The following SPECC1 variants were observed in gnomAD, a reference collection of about 807,000 sequenced individuals.
SPECC1 encodes the protein sperm antigen with calponin homology and coiled-coil domains 1, also known as cytospin-B.
SPECC1 carries 62 observed loss-of-function variants against 104.1 expected under a neutral mutation model. The ratio of observed to expected loss-of-function variants is 0.60; its 90% CI spans 0.49 to 0.74. The LOEUF is 0.74. SPECC1 is among the 30% of genes least tolerant of loss of function. SPECC1 has a pLI of 0.00. For synonymous variants in SPECC1, 513 were observed against 501.6 expected (o/e 1.02, Z -0.30); for missense variants, 1,306 against 1,310.5 (o/e 1.00, Z 0.05).
intron 3 of SPECC1, among the ~76,000 whole-genome samples, chr17:20,151,865 A>G (rs2032035514): frequency 6.6e-6 from 1 of 151,914 alleles, no homozygotes; most frequent in South Asian, 2.1e-4. Context: ...CCTGACCAAC[A>G]TGGTGAAACC....
intron 1 of SPECC1, among the ~76,000 whole-genome samples, chr17:20,051,100 C>CTT (rs771897572): frequency 7.5e-5 from 9 of 120,746 alleles, no homozygotes; most frequent in African/African-American, 3.1e-4. Flanking sequence ...TTCTTTCTTT[C>CTT]TTTCTTTCTT....
chr17:20,258,874 G>T (rs998445756), intron 11 of SPECC1, among the ~76,000 whole-genome samples: 1 of 152,168 alleles, frequency 6.6e-6, no homozygotes, highest in African/African-American at 2.4e-5. Flanking sequence ...CTGCTTTGTA[G>T]TGTGGAACAC....
At chr17:20,059,171 TG>T (rs924093446) in intron 1 of SPECC1, among the ~76,000 whole-genome samples, 1 of 151,906 alleles carries the variant, frequency 6.6e-6, no homozygotes, top group African/African-American at 2.4e-5. Context: ...ATTATTACAT[TG>T]TAATATAGAA....
intron 13 of SPECC1, 84 bp from the exon 14 acceptor site, chr17:20,305,939 T>G (rs1401432420): frequency 8.7e-7 from 1 of 1,155,648 alleles, no homozygotes; most frequent in Non-Finnish European, 1.3e-6. Flanking sequence ...ATAATCTATA[T>G]GGGAATATCA....
intron 1 of SPECC1, among the ~76,000 whole-genome samples, chr17:20,024,831 G>A (rs2044537761): frequency 6.6e-6 from 1 of 152,106 alleles, no homozygotes; most frequent in South Asian, 2.1e-4. Context: ...TCCCACTGTT[G>A]CTAATCTCTG....
At chr17:20,148,613 AG>A (rs2031693388) in intron 3 of SPECC1, among the ~76,000 whole-genome samples, 1 of 151,526 alleles carries the variant, frequency 6.6e-6, no homozygotes, top group African/African-American at 2.4e-5. Flanking sequence ...CTACTCAGAG[AG>A]GGCCACTCTC....
At chr17:20,082,029 G>A (rs907963307) in intron 1 of SPECC1, among the ~76,000 whole-genome samples, 2 of 152,158 alleles carry the variant, frequency 1.3e-5, no homozygotes, top group African/African-American at 2.4e-5. Flanking sequence ...CACCCTCAAA[G>A]CCTCAGCTCT....
chr17:20,039,142 G>A (rs1379361244), intron 1 of SPECC1, among the ~76,000 whole-genome samples: 1 of 152,110 alleles, frequency 6.6e-6, no homozygotes, highest in Non-Finnish European at 1.5e-5. Context: ...CAAGCCTTCG[G>A]CAATCACTAG....
chr17:20,032,065 C>T (rs1360850861), intron 1 of SPECC1, among the ~76,000 whole-genome samples: 2 of 152,058 alleles, frequency 1.3e-5, no homozygotes, highest in African/African-American at 2.4e-5. Flanking sequence ...TTTCTTTGAG[C>T]ACTTCAAATA....
chr17:20,290,836 GC>G (rs2041140302), intron 12 of SPECC1, among the ~76,000 whole-genome samples: 2 of 152,202 alleles, frequency 1.3e-5, no homozygotes, highest in Non-Finnish European at 2.9e-5. Context: ...CAATGAACTA[GC>G]ATATGGGCGC....
intron 3 of SPECC1, among the ~76,000 whole-genome samples, chr17:20,116,136 G>A (rs975100967): frequency 6.0e-5 from 9 of 150,758 alleles, no homozygotes; most frequent in Admixed American, 2.6e-4. Flanking sequence ...CGCCCAGGCT[G>A]GAGTGCAGTG....
At chr17:20,026,858 G>A (rs1390081435) in intron 1 of SPECC1, among the ~76,000 whole-genome samples, 2 of 152,070 alleles carry the variant, frequency 1.3e-5, no homozygotes, top group African/African-American at 4.8e-5. Flanking sequence ...AAAAACCTCA[G>A]TATTATTTTC....
At chr17:20,210,580 G>T (rs968886435) in intron 4 of SPECC1, among the ~76,000 whole-genome samples, 3 of 152,210 alleles carry the variant, frequency 2.0e-5, no homozygotes, top group Admixed American at 6.5e-5. Context: ...CACCTCTCTT[G>T]AAATCACAGT....
chr17:20,196,437 T>TAGAATCTAATGGC, intron 3 of SPECC1, among the ~76,000 whole-genome samples: 1 of 152,182 alleles, frequency 6.6e-6, no homozygotes, highest in East Asian at 1.9e-4. Flanking sequence ...AGGCCTTACC[T>TAGAATCTAATGGC]TACTTAAGCA....
rs776681083 is a variant in SPECC1, at chr17:20,227,500, G to A, written c.1951G>A (p.Ala651Thr). ...SRTSLKLQEK[A>T]SESDAEIKDM... ...AACCAGCCTAAAGCTGCAAGAAAAA[G>A]CATCAGAGAGTGATGCAGAGATCAA... Residue 651 changes from alanine to threonine, a missense_variant, in exon 5 of 15, where the codon GCA becomes ACA. By Grantham distance (58) the Ala-to-Thr change is moderately conservative. Around this residue, in one of 2 missense-constraint regions of SPECC1, gnomAD observed 1,177 missense variants for 1,139.9 expected, o/e 1.03. Coordinates refer to ENST00000395527, the MANE Select transcript of SPECC1 (RefSeq NM_001243439.2). 4.3e-6 allele frequency: 7 copies of A among 1,613,640 alleles called. No homozygotes were observed. Among genetic ancestry groups the A allele is most frequent in the Non-Finnish European group, 5.1e-6 (6 of 1,179,892 alleles).
chr17:20,093,286 G>C (rs890461139), intron 1 of SPECC1, among the ~76,000 whole-genome samples: 2 of 152,182 alleles, frequency 1.3e-5, no homozygotes, highest in African/African-American at 4.8e-5. Context: ...GGGCAAACAA[G>C]CTCCCTCAGG....
rs2036752032 is a variant in SPECC1, at chr17:20,205,929, C to A, written c.1863+17C>A. 6.3e-7 allele frequency: 1 copy of A among 1,592,296 alleles called. No homozygotes were observed. The highest frequency in any genetic ancestry group is 8.5e-7 in the Non-Finnish European group (1 of 1,173,706). On this transcript the variant is annotated intron_variant, in intron 4 of 14. Transcript: ENST00000395527. ...CTGGCCAAGGTGAGAAGAGACAGCT[C>A]TTTACTGGTATTTGCTCATCCTTGT...
chr17:20,233,827 C>T (rs1487648686), intron 7 of SPECC1, among the ~76,000 whole-genome samples: 1 of 152,192 alleles, frequency 6.6e-6, no homozygotes, highest in African/African-American at 2.4e-5. Flanking sequence ...GTTTCGTTTG[C>T]CTCTGTCTTG....
intron 11 of SPECC1, among the ~76,000 whole-genome samples, chr17:20,259,021 A>G (rs941287081): frequency 4.6e-5 from 7 of 152,266 alleles, no homozygotes; most frequent in African/African-American, 1.7e-4. Context: ...AAAACTTACG[A>G]GTGAGTAGAT....
Sources: gnomAD v4.1 joint callset for allele counts (sites outside exome capture counted in the v4.1 genomes callset) on GRCh38, gnomAD v4.1.1 for gene constraint, gnomAD v4.1.1 regional missense constraint, MANE v1.5 for transcripts, NCBI Gene and HGNC (gene_info 2026-07-23, HGNC 2026-07-21) for gene names.